EIF4G3: variants seen among roughly 807,000 people sequenced by gnomAD.
EIF4G3 encodes the protein eukaryotic translation initiation factor 4 gamma 3.
EIF4G3 carries 34 observed loss-of-function variants against 186.4 expected under a neutral mutation model. The observed-to-expected ratio is 0.18, with a 90% CI of 0.14 to 0.24. EIF4G3 has a LOEUF of 0.24. EIF4G3 is among the 10% of genes least tolerant of loss of function. The pLI is 1.00. For synonymous variants in EIF4G3, 673 were observed against 679.5 expected (o/e 0.99, Z 0.15); for missense variants, 1,536 against 1,948.5 (o/e 0.79, Z 3.99).
chr1:21,027,188 ATAC>A, intron 4 of EIF4G3, among the ~76,000 whole-genome samples: 1 of 135,994 alleles, frequency 7.4e-6, no homozygotes, highest in Middle Eastern at 4.1e-3. Context: ...ACATACACAC[ATAC>A]AATTTTTTTT....
chr1:20,835,679 C>T (rs187965191), intron 30 of EIF4G3, among the ~76,000 whole-genome samples: 1 of 152,116 alleles, frequency 6.6e-6, no homozygotes, highest in Non-Finnish European at 1.5e-5. Context: ...CTGCCTTAAA[C>T]CTGTAATCCC....
chr1:21,064,571 G>A (rs945957756), intron 3 of EIF4G3: 2 of 152,078 alleles, frequency 1.3e-5, no homozygotes, highest in Non-Finnish European at 2.9e-5. Flanking sequence ...TAATAGAATC[G>A]TGTAGCACTA....
chr1:21,023,916 T>A (rs1285116491), intron 4 of EIF4G3, among the ~76,000 whole-genome samples: 3 of 127,222 alleles, frequency 2.4e-5, no homozygotes, highest in Admixed American at 7.8e-5. Context: ...CGCCGCCCCA[T>A]CTGGGATGTG....
intron 3 of EIF4G3, among the ~76,000 whole-genome samples, chr1:21,068,226 T>G (rs1414759681): frequency 6.6e-6 from 1 of 151,254 alleles, no homozygotes; most frequent in African/African-American, 2.4e-5. Flanking sequence ...TACAAAAAAT[T>G]AGCCGGGCAT....
At chr1:20,862,375 A>T (rs772185283) in intron 22 of EIF4G3, 43 bp from the exon 23 acceptor site, 1 of 1,241,440 alleles carries the variant, frequency 8.1e-7, no homozygotes, top group South Asian at 1.3e-5. Context: ...TGAGAAACTT[A>T]AACGTAATTT....
chr1:20,964,361 T>C (rs1028967864), intron 12 of EIF4G3, among the ~76,000 whole-genome samples: 1 of 152,234 alleles, frequency 6.6e-6, no homozygotes, highest in Non-Finnish European at 1.5e-5. Context: ...ATCTACGCAC[T>C]GTGATCCTCT....
intron 2 of EIF4G3, among the ~76,000 whole-genome samples, chr1:21,117,377 C>CT (rs2096844025): frequency 6.6e-6 from 1 of 152,032 alleles, no homozygotes; most frequent in Admixed American, 6.6e-5. Flanking sequence ...TTTGACTGTA[C>CT]TTTTTAAATG....
At chr1:21,106,741 A>T (rs545113663) in intron 2 of EIF4G3, among the ~76,000 whole-genome samples, 44 of 152,326 alleles carry the variant, frequency 2.9e-4, no homozygotes, top group African/African-American at 8.9e-4. Flanking sequence ...TTAAAAAATT[A>T]AAAAAAGGAA....
intron 3 of EIF4G3, among the ~76,000 whole-genome samples, chr1:21,061,453 T>C (rs2094908369): frequency 6.6e-6 from 1 of 152,160 alleles, no homozygotes; most frequent in African/African-American, 2.4e-5. Context: ...GAGATTCAAA[T>C]GGAAATAATA....
intron 3 of EIF4G3, among the ~76,000 whole-genome samples, chr1:21,071,948 T>C (rs2095455175): frequency 6.6e-6 from 1 of 152,158 alleles, no homozygotes; most frequent in Non-Finnish European, 1.5e-5. Context: ...AATCTACAAC[T>C]ACACCTAGGC....
At chr1:21,002,255 G>A (rs950960060) in intron 5 of EIF4G3, among the ~76,000 whole-genome samples, 1 of 152,174 alleles carries the variant, frequency 6.6e-6, no homozygotes, top group Non-Finnish European at 1.5e-5. Context: ...TACCCACACT[G>A]TTAAATGGTT....
chr1:20,927,249 G>C (rs916833116), intron 14 of EIF4G3, among the ~76,000 whole-genome samples: 1 of 152,054 alleles, frequency 6.6e-6, no homozygotes, highest in East Asian at 1.9e-4. Flanking sequence ...CTAGGTTGAA[G>C]ACAGCATCAA....
At chr1:21,077,273 T>G (rs1223841071) in intron 3 of EIF4G3, among the ~76,000 whole-genome samples, 1 of 151,828 alleles carries the variant, frequency 6.6e-6, no homozygotes. Context: ...GGAGGCAGCA[T>G]GCTTGTAGTC....
intron 25 of EIF4G3, among the ~76,000 whole-genome samples, chr1:20,856,085 G>C (rs2074815912): frequency 6.6e-6 from 1 of 152,176 alleles, no homozygotes; most frequent in Non-Finnish European, 1.5e-5. Context: ...AGATGGGTAA[G>C]ACTCAAATTG....
At chr1:20,847,917 A>T (rs2071726743) in intron 29 of EIF4G3, 1 of 454,056 alleles carries the variant, frequency 2.2e-6, no homozygotes, top group East Asian at 7.0e-5. Flanking sequence ...GGTGATTTTT[A>T]TATGTGGAAA....
At chr1:20,901,206 T>C (rs2090166573) in intron 15 of EIF4G3, among the ~76,000 whole-genome samples, 1 of 152,092 alleles carries the variant, frequency 6.6e-6, no homozygotes, top group African/African-American at 2.4e-5. Flanking sequence ...TTGGAAACAA[T>C]TTATTTTATA....
intron 19 of EIF4G3, among the ~76,000 whole-genome samples, chr1:20,884,796 G>A (rs2083564419): frequency 6.6e-6 from 1 of 152,114 alleles, no homozygotes; most frequent in East Asian, 1.9e-4. Flanking sequence ...TAACTACTCT[G>A]TGGGTTCGCT....
chr1:20,924,280 G>T (rs1320867511), intron 14 of EIF4G3, among the ~76,000 whole-genome samples: 1 of 152,080 alleles, frequency 6.6e-6, no homozygotes, highest in African/African-American at 2.4e-5. Context: ...TATGTTTGTT[G>T]AACTGAATAC....
At chr1:20,922,042 T>C (rs1374896692) in intron 14 of EIF4G3, among the ~76,000 whole-genome samples, 1 of 152,270 alleles carries the variant, frequency 6.6e-6, no homozygotes, top group Admixed American at 6.5e-5. Flanking sequence ...CATTTGGTAT[T>C]GGTATTGTCT....
Sources: gnomAD v4.1 joint callset for allele counts (sites outside exome capture counted in the v4.1 genomes callset) on GRCh38, gnomAD v4.1.1 for gene constraint, MANE v1.5 for transcripts, NCBI Gene and HGNC (gene_info 2026-07-23, HGNC 2026-07-21) for gene names.